The following SSH1 variants were observed in gnomAD, a reference collection of about 807,000 sequenced individuals.
SSH1 encodes the protein slingshot protein phosphatase 1.
SSH1 carries 43 observed loss-of-function variants against 79.7 expected under a neutral mutation model. The ratio of observed to expected loss-of-function variants is 0.54; its 90% CI spans 0.42 to 0.70. The LOEUF (loss-of-function observed/expected upper bound fraction) is 0.70, where lower values mean the gene tolerates loss of function less well. Among genes scored for constraint, SSH1 ranks in the 30% least tolerant of loss-of-function variants. The pLI is 0.00. For synonymous variants in SSH1, 599 were observed against 538.3 expected, an observed-to-expected ratio of 1.11 and a Z score of -1.56; for missense variants, 1,206 against 1,358.8, an observed-to-expected ratio of 0.89 and a Z score of 1.77.
At chr12:108,798,188 C>A (rs937754039) in intron 13 of SSH1, among the ~76,000 whole-genome samples, 8 of 152,314 alleles carry the variant, frequency 5.3e-5, no homozygotes, top group Non-Finnish European at 8.8e-5. Flanking sequence ...AAATGAGGCA[C>A]CTCTGTCACG....
chr12:108,840,530 C>CA (rs1490932396), intron 2 of SSH1, among the ~76,000 whole-genome samples: 3 of 146,424 alleles, frequency 2.0e-5, no homozygotes. Context: ...AAGACTGTCT[C>CA]AAAAAAAAGA....
rs920612999 is a variant in SSH1 at position 108,785,592 on chromosome 12, T to C, written c.*2396A>G. ...CAGCGCTCTCGTCTGGATGTTGATA[T>C]GCTAGCTGTGCTTCCAAAAATGAAT... On this transcript the variant is annotated 3_prime_UTR_variant, in exon 15 of 15. Transcript: ENST00000326495. The C allele has an allele frequency of 6.6e-6, 1 of 152,240 alleles. No individual in the cohort carries two copies. Among genetic ancestry groups the C allele is most frequent in the Non-Finnish European group, 1.5e-5 (1 of 68,052 alleles). 9.4% of individuals were successfully genotyped at this position (152,240 alleles called of 1,614,324 possible).
Position 108,785,779 on chromosome 12 carries a change from T to C in SSH1, c.*2209A>G, listed in dbSNP as rs542649197. The stretch of plus-strand genomic sequence containing the variant: ...TGGTTAAAAAACCAACAAAAGCCTG[T>C]CATCACTAAATTTAAAAGATTATTT... On this transcript the variant is annotated 3_prime_UTR_variant, in exon 15 of 15. Coordinates refer to ENST00000326495, the MANE Select transcript of SSH1 (RefSeq NM_018984.4). 6.6e-6 allele frequency: 1 copy of C among 152,324 alleles called. No individual in the cohort carries two copies. The highest frequency in any genetic ancestry group is 2.4e-5 in the African/African-American group (1 of 41,568). The allele number at this position is 152,324 out of a possible 1,614,324, so 9.4% of individuals were successfully genotyped here. A position where few individuals can be genotyped will look rare whatever the true frequency, so the allele number is the denominator to read the frequency against.
intron 2 of SSH1, chr12:108,826,365 G>A: frequency 3.1e-6 from 1 of 327,744 alleles, no homozygotes; most frequent in Non-Finnish European, 5.9e-6. Flanking sequence ...GGAACACTCT[G>A]CCTCTGTTCC....
At chr12:108,834,612 G>A (rs1006625230) in intron 2 of SSH1, among the ~76,000 whole-genome samples, 7 of 152,160 alleles carry the variant, frequency 4.6e-5, no homozygotes, top group Non-Finnish European at 8.8e-5. Flanking sequence ...CGGCAAAGGC[G>A]GGGGTCCTGA....
intron 6 of SSH1, 70 bp downstream of exon 6, chr12:108,811,190 G>A: frequency 1.5e-6 from 2 of 1,376,850 alleles, no homozygotes; most frequent in South Asian, 1.2e-5. Context: ...ATCCAAGGAT[G>A]CCTGAACCAG....
intron 2 of SSH1, among the ~76,000 whole-genome samples, chr12:108,845,348 C>A (rs947151680): frequency 6.6e-6 from 1 of 152,154 alleles, no homozygotes; most frequent in African/African-American, 2.4e-5. Flanking sequence ...TATACCGTGT[C>A]CAGATTCCTG....
intron 5 of SSH1, among the ~76,000 whole-genome samples, chr12:108,811,840 T>C (rs1000047329): frequency 6.6e-6 from 1 of 152,204 alleles, no homozygotes; most frequent in African/African-American, 2.4e-5. Context: ...CTGCAGAGAC[T>C]GGCGCCACTG....
chr12:108,837,038 C>T lies in SSH1; in HGVS notation c.111-13677G>A, dbSNP rs938151726. The T allele has an allele frequency of 1.1e-5, 5 of 463,270 alleles. No homozygotes were observed. In the Middle Eastern group the frequency reaches 1.6e-3, roughly 145 times the overall value. The allele number at this position is 463,270 out of a possible 1,614,324, so 28.7% of individuals were successfully genotyped here. A position where few individuals can be genotyped will look rare whatever the true frequency, so the allele number is the denominator to read the frequency against. ...TTGAGGTCAGGGGTTCGAGACCAGC[C>T]TGGCCAACATGGCAACACCCTATTC... On this transcript the variant is annotated intron_variant, in intron 2 of 14. Transcript: ENST00000326495.
chr12:108,818,921 T>C (rs2038008921), intron 3 of SSH1, among the ~76,000 whole-genome samples: 1 of 152,162 alleles, frequency 6.6e-6, no homozygotes, highest in Non-Finnish European at 1.5e-5. Flanking sequence ...ACCCGGCTAA[T>C]TTTTGTATTT....
chr12:108,794,786 A>G (rs2036670618), intron 13 of SSH1, among the ~76,000 whole-genome samples: 1 of 151,446 alleles, frequency 6.6e-6, no homozygotes, highest in Non-Finnish European at 1.5e-5. Flanking sequence ...GCGGTCCCCA[A>G]GATCTTTACC....
Position 108,802,186 on chromosome 12 carries a change from A to T in SSH1, c.1001+136T>A, listed in dbSNP as rs988843754. The T allele has an allele frequency of 5.4e-6, 4 of 735,196 alleles. No individual in the cohort carries two copies. The South Asian group carries it at 6.1e-5, about 11-fold the overall frequency. The allele number at this position is 735,196 out of a possible 1,614,324, so 45.5% of individuals were successfully genotyped here. On this transcript the variant is annotated intron_variant, in intron 11 of 14. Transcript: ENST00000326495. Reference sequence around the variant, plus strand: ...CACATCTGTTTAGCTATGCACATCAACCCCTGGCAGCCACTTCAGAGACCA... The same window carrying T: ...CACATCTGTTTAGCTATGCACATCATCCCCTGGCAGCCACTTCAGAGACCA...
intron 5 of SSH1, among the ~76,000 whole-genome samples, chr12:108,813,554 TA>T (rs1422809523): frequency 6.7e-6 from 1 of 148,656 alleles, no homozygotes; most frequent in South Asian, 2.1e-4. Context: ...AAATTATATA[TA>T]AAAAAAAATT....
At chr12:108,834,668 G>A (rs1274638722) in intron 2 of SSH1, among the ~76,000 whole-genome samples, 3 of 152,168 alleles carry the variant, frequency 2.0e-5, no homozygotes, top group Non-Finnish European at 2.9e-5. Context: ...CTTAGTGATA[G>A]GAACCTAGGA....
chr12:108,827,906 C>T (rs771756987), intron 2 of SSH1, among the ~76,000 whole-genome samples: 1 of 152,212 alleles, frequency 6.6e-6, no homozygotes, highest in African/African-American at 2.4e-5. Context: ...TGAGGGGACA[C>T]GCCAGGTAGA....
intron 1 of SSH1, among the ~76,000 whole-genome samples, chr12:108,853,978 G>C (rs1196385323): frequency 6.6e-6 from 1 of 150,622 alleles, no homozygotes; most frequent in East Asian, 1.9e-4. Context: ...ATCATATTAA[G>C]ATGAAGTACA....
At chr12:108,836,258 C>T (rs979270961) in intron 2 of SSH1, among the ~76,000 whole-genome samples, 24 of 152,016 alleles carry the variant, frequency 1.6e-4, no homozygotes, top group African/African-American at 5.3e-4. Flanking sequence ...AATATAGATG[C>T]ACGTGTGTGT....
At chr12:108,794,777 C>G (rs917992285) in intron 13 of SSH1, among the ~76,000 whole-genome samples, 1 of 151,220 alleles carries the variant, frequency 6.6e-6, no homozygotes, top group Non-Finnish European at 1.5e-5. Flanking sequence ...AAATTCCTTG[C>G]GGTCCCCAAG....
chr12:108,798,037 C>T (rs1029260897), intron 13 of SSH1, among the ~76,000 whole-genome samples: 2 of 152,224 alleles, frequency 1.3e-5, no homozygotes, highest in Admixed American at 6.5e-5. Flanking sequence ...GGCACCCACA[C>T]CTGGATGCTG....
Sources: gnomAD v4.1 joint callset for allele counts (sites outside exome capture counted in the v4.1 genomes callset) on GRCh38, gnomAD v4.1.1 for gene constraint, MANE v1.5 for transcripts, NCBI Gene and HGNC (gene_info 2026-07-23, HGNC 2026-07-21) for gene names.